STK32B: variants seen among roughly 807,000 people sequenced by gnomAD.
The protein encoded by STK32B is serine/threonine kinase 32B.
STK32B carries 43 observed loss-of-function variants against 52.6 expected under a neutral mutation model. That is an observed-to-expected ratio of 0.82 (90% CI 0.64 to 1.05). The LOEUF is 1.05. STK32B is among the 50% of genes least tolerant of loss of function. The pLI, the probability that STK32B is intolerant of heterozygous loss-of-function variation, is 0.00. For synonymous variants in STK32B, 238 were observed against 204.3 expected (o/e 1.17, Z -1.41); for missense variants, 621 against 534.6 (o/e 1.16, Z -1.59).
At chr4:5,172,899 TG>T (rs1388638273) in intron 3 of STK32B, among the ~76,000 whole-genome samples, 1 of 152,226 alleles carries the variant, frequency 6.6e-6, no homozygotes, top group Admixed American at 6.5e-5. Flanking sequence ...AGTTCCTCCT[TG>T]TACCTCTAGT....
At chr4:5,038,432 A>G in the STK32B span, among the ~76,000 whole-genome samples, 1 of 152,356 alleles carries the variant, frequency 6.6e-6, no homozygotes, top group South Asian at 2.1e-4. Context: ...TTGTGCAAAC[A>G]TTGCTGCACA....
intron 5 of STK32B, among the ~76,000 whole-genome samples, chr4:5,407,173 C>A (rs1023245910): frequency 1.3e-5 from 2 of 152,092 alleles, no homozygotes; most frequent in African/African-American, 4.8e-5. Context: ...ATCTCTAGGG[C>A]CTCCAACCTC....
intron 1 of STK32B, among the ~76,000 whole-genome samples, chr4:5,074,280 A>G (rs532214676): frequency 6.6e-6 from 1 of 151,994 alleles, no homozygotes; most frequent in African/African-American, 2.4e-5. Flanking sequence ...TATCAAGTTC[A>G]CAGATCCCTT....
intron 3 of STK32B, among the ~76,000 whole-genome samples, chr4:5,328,739 C>T (rs1732034697): frequency 6.6e-6 from 1 of 152,232 alleles, no homozygotes; most frequent in Non-Finnish European, 1.5e-5. Flanking sequence ...AAAATTGACA[C>T]TGATAGACTT....
intron 1 of STK32B, among the ~76,000 whole-genome samples, chr4:5,117,192 A>C (rs1481974321): frequency 1.3e-5 from 2 of 152,190 alleles, no homozygotes; most frequent in Non-Finnish European, 2.9e-5. Flanking sequence ...AGCAGTGGTG[A>C]GAGTGAGCAT....
intron 10 of STK32B, 37 bp downstream of exon 10, chr4:5,466,871 C>T: frequency 1.9e-6 from 3 of 1,602,092 alleles, no homozygotes; most frequent in Non-Finnish European, 2.6e-6. Flanking sequence ...GGAGAGAAAT[C>T]CTGTGCTCAT....
In STK32B at chr4:5,216,815, G is replaced by A. The variant is rs139937280; in HGVS notation, c.260+48365G>A. Among the ~76,000 whole-genome samples, 42 of 152,292 alleles carry A rather than the reference G, an allele frequency of 2.8e-4. No individual in the cohort carries two copies. The East Asian group carries it at 7.7e-3, about 28-fold the overall frequency. On this transcript the variant is annotated intron_variant, in intron 3 of 11. Transcript: ENST00000282908. ...CACCAGGTTTTAAACCAGGTGTGGTGGGTGTGATATGAACAGATTTGTTAG... is the reference window on the plus strand; with the variant it reads ...CACCAGGTTTTAAACCAGGTGTGGTAGGTGTGATATGAACAGATTTGTTAG...
At chr4:5,271,987 AC>A (rs1727469120) in intron 3 of STK32B, among the ~76,000 whole-genome samples, 1 of 148,802 alleles carries the variant, frequency 6.7e-6, no homozygotes, top group South Asian at 2.1e-4. Context: ...CTAATTGAAT[AC>A]CCTTTATTTC....
chr4:5,231,625 C>T (rs909219775), intron 3 of STK32B, among the ~76,000 whole-genome samples: 1 of 151,574 alleles, frequency 6.6e-6, no homozygotes, highest in East Asian at 1.9e-4. Context: ...AACAGAAACA[C>T]AAAACAAAAC....
intron 3 of STK32B, among the ~76,000 whole-genome samples, chr4:5,269,417 A>G (rs754950971): frequency 3.3e-5 from 5 of 152,346 alleles, no homozygotes; most frequent in Non-Finnish European, 4.4e-5. Flanking sequence ...ACTATTTCCA[A>G]CTAAATAAAC....
At chr4:5,145,910 C>G (rs993609329) in intron 2 of STK32B, among the ~76,000 whole-genome samples, 1 of 152,098 alleles carries the variant, frequency 6.6e-6, no homozygotes, top group Admixed American at 6.5e-5. Context: ...ATAAGAAAAC[C>G]TGGCTCACCA....
chr4:5,393,112 T>C (rs1736684004), intron 4 of STK32B, among the ~76,000 whole-genome samples: 3 of 152,310 alleles, frequency 2.0e-5, no homozygotes, highest in Non-Finnish European at 4.4e-5. Flanking sequence ...CCAAGTCCCA[T>C]TCAAGTTGGC....
chr4:5,478,677 A>C (rs994087468), intron 11 of STK32B, among the ~76,000 whole-genome samples: 2 of 152,240 alleles, frequency 1.3e-5, no homozygotes, highest in Admixed American at 6.5e-5. Flanking sequence ...AGAATCGTTT[A>C]CATGGAGTGG....
chr4:5,068,293 C>A (rs1204612824), intron 1 of STK32B, among the ~76,000 whole-genome samples: 1 of 152,088 alleles, frequency 6.6e-6, no homozygotes, highest in Non-Finnish European at 1.5e-5. Flanking sequence ...ATTCTTCCCC[C>A]GTCTGAGTCT....
rs1717806759 is a variant in STK32B at position 5,470,941 on chromosome 4, G to A, written c.1106+2871G>A. Among the ~76,000 whole-genome samples the A allele has an allele frequency of 6.6e-6, 1 of 152,210 alleles. No individual in the cohort carries two copies. Among genetic ancestry groups the A allele is most frequent in the South Asian group, 2.1e-4 (1 of 4,836 alleles). ...GGGAGCCAAGCATCAAGCCAGGCTT[G>A]TCGTCATGCTCCGCCTGGACCACGT... On this transcript the variant is annotated intron_variant, in intron 11 of 11. Transcript: ENST00000282908. The surrounding 1 kb of genome is among the most constrained non-coding windows in gnomAD (Gnocchi z 4.6).
intron 1 of STK32B, among the ~76,000 whole-genome samples, chr4:5,065,587 G>C (rs1742389515): frequency 6.6e-6 from 1 of 152,032 alleles, no homozygotes; most frequent in Admixed American, 6.6e-5. Context: ...CCTGTGCCTT[G>C]ATTGGCAATG....
chr4:5,404,863 ATTTT>A (rs58235629), intron 5 of STK32B, among the ~76,000 whole-genome samples: 364 of 113,160 alleles, frequency 3.2e-3, no homozygotes, highest in African/African-American at 0.012. Context: ...TCTGTATGCG[ATTTT>A]TTTTTTTTTT....
rs867477648 is a variant in STK32B, at chr4:5,272,506, G to A, written c.261-58714G>A. On this transcript the variant is annotated intron_variant, in intron 3 of 11. Coordinates refer to ENST00000282908, the MANE Select transcript of STK32B (RefSeq NM_018401.3). Reference sequence around the variant, plus strand: ...CTCTGCCCGGCTTTGGTATCAGAATGATGCTGGCCTCATAAAATGAGTTAG... The same window carrying A: ...CTCTGCCCGGCTTTGGTATCAGAATAATGCTGGCCTCATAAAATGAGTTAG... 6.1e-3 allele frequency among the ~76,000 whole-genome samples: 910 copies of A among 149,308 alleles called. 17 individuals are homozygous for A. Among genetic ancestry groups the A allele is most frequent in the African/African-American group, 0.015 (611 of 40,450 alleles).
intron 3 of STK32B, among the ~76,000 whole-genome samples, chr4:5,246,619 G>A (rs1245609343): frequency 3.3e-5 from 5 of 152,178 alleles, no homozygotes; most frequent in African/African-American, 9.7e-5. Context: ...CTGATGAGGA[G>A]CTGCGTTCCT....
Sources: allele counts gnomAD v4.1 joint callset (sites outside exome capture counted in the v4.1 genomes callset), GRCh38; gene constraint gnomAD v4.1.1; non-coding constraint Gnocchi (gnomAD v3.1); transcripts MANE v1.5; gene names NCBI Gene and HGNC (gene_info 2026-07-23, HGNC 2026-07-21).